Variants in RBMS1 observed in about 807,000 individuals in gnomAD.
RBMS1 encodes the protein RNA binding motif single stranded interacting protein 1, also known as RNA-binding motif, single-stranded-interacting protein 1.
A neutral mutation model predicts 62.3 loss-of-function variants in RBMS1; 17 were observed. The ratio of observed to expected loss-of-function variants is 0.27; its 90% CI spans 0.19 to 0.41. RBMS1 has a LOEUF of 0.41. RBMS1 is among the 10% of genes least tolerant of loss of function. The pLI is 1.00. For synonymous variants in RBMS1, 172 were observed against 170.0 expected (o/e 1.01, Z -0.09); for missense variants, 334 against 504.5 (o/e 0.66, Z 3.24).
intron 2 of RBMS1, among the ~76,000 whole-genome samples, chr2:160,325,003 T>C (rs1451193316): frequency 6.6e-6 from 1 of 151,476 alleles, no homozygotes; most frequent in African/African-American, 2.4e-5. Context: ...ACTCCTACTT[T>C]GTAGATGTGA....
chr2:160,368,796 T>C (rs1237043273), intron 1 of RBMS1, among the ~76,000 whole-genome samples: 1 of 152,108 alleles, frequency 6.6e-6, no homozygotes, highest in Non-Finnish European at 1.5e-5. Context: ...CACAACACCA[T>C]GCCTGGCTAA....
At chr2:160,318,321 A>G in intron 2 of RBMS1, 94 bp from the exon 3 acceptor site, 1 of 1,412,840 alleles carries the variant, frequency 7.1e-7, no homozygotes, top group South Asian at 1.5e-5. Context: ...CAAAGAACAC[A>G]CATTCTTTTC....
chr2:160,279,225 T>C (rs1484733130), intron 10 of RBMS1: 1 of 152,210 alleles, frequency 6.6e-6, no homozygotes. Context: ...TTCTCAGAAC[T>C]TTAAGTTACA....
At chr2:160,435,626 T>G (rs1192631642) in intron 1 of RBMS1, among the ~76,000 whole-genome samples, 10 of 152,186 alleles carry the variant, frequency 6.6e-5, no homozygotes, top group Admixed American at 6.5e-4. Context: ...CAGCCTTACT[T>G]TTTTCTGTCA....
chr2:160,423,162 C>G (rs1358156671), intron 1 of RBMS1, among the ~76,000 whole-genome samples: 2 of 152,132 alleles, frequency 1.3e-5, no homozygotes, highest in South Asian at 2.1e-4. Flanking sequence ...TTGACTTTCC[C>G]CAGCCCAACT....
intron 2 of RBMS1, among the ~76,000 whole-genome samples, chr2:160,346,363 G>A (rs148358224): frequency 2.1e-4 from 32 of 152,268 alleles, no homozygotes; most frequent in African/African-American, 7.7e-4. Context: ...GGCAGCCTGG[G>A]CATTCTTTCA....
At chr2:160,409,808 T>C (rs1003167058) in intron 1 of RBMS1, among the ~76,000 whole-genome samples, 1 of 152,188 alleles carries the variant, frequency 6.6e-6, no homozygotes, top group Non-Finnish European at 1.5e-5. Flanking sequence ...AAAATTTGAT[T>C]GGATACACTC....
At chr2:160,475,590 C>T (rs1158063242) in intron 1 of RBMS1, among the ~76,000 whole-genome samples, 2 of 152,180 alleles carry the variant, frequency 1.3e-5, no homozygotes, top group African/African-American at 4.8e-5. Flanking sequence ...TTCCCTAAGA[C>T]CTGCCAACAC....
chr2:160,275,596 G>A (rs1246788803), intron 13 of RBMS1, 34 bp downstream of exon 13: 1 of 1,604,678 alleles, frequency 6.2e-7, no homozygotes, highest in African/African-American at 1.3e-5. Context: ...TGCTTGATTT[G>A]AGCCCCCCAG....
At chr2:160,320,533 G>A (rs866871132) in intron 2 of RBMS1, among the ~76,000 whole-genome samples, 1 of 152,152 alleles carries the variant, frequency 6.6e-6, no homozygotes, top group African/African-American at 2.4e-5. Flanking sequence ...TCTGGGTTGT[G>A]GGGGTGGATC....
At chr2:160,353,052 T>C (rs949053925) in intron 2 of RBMS1, among the ~76,000 whole-genome samples, 1 of 152,136 alleles carries the variant, frequency 6.6e-6, no homozygotes, top group African/African-American at 2.4e-5. Flanking sequence ...ATTTTCCAAA[T>C]GTCATACAAC....
intron 2 of RBMS1, among the ~76,000 whole-genome samples, chr2:160,354,105 T>C (rs550475504): frequency 9.2e-5 from 14 of 152,248 alleles, no homozygotes; most frequent in African/African-American, 3.4e-4. Context: ...CCTGAATCTA[T>C]AGAAGGACCT....
intron 6 of RBMS1, among the ~76,000 whole-genome samples, chr2:160,287,837 G>A (rs1232497220): frequency 1.3e-5 from 2 of 151,820 alleles, no homozygotes; most frequent in Admixed American, 6.6e-5. Flanking sequence ...AGGTTTTTCT[G>A]TGCCTTTAAT....
intron 1 of RBMS1, among the ~76,000 whole-genome samples, chr2:160,466,402 A>G (rs1684692591): frequency 6.6e-6 from 1 of 152,198 alleles, no homozygotes. Flanking sequence ...TAAAGAGGAA[A>G]AAACCCTCTA....
chr2:160,479,564 G>C (rs923602991), intron 1 of RBMS1, among the ~76,000 whole-genome samples: 2 of 152,120 alleles, frequency 1.3e-5, no homozygotes, highest in Non-Finnish European at 2.9e-5. Flanking sequence ...GCTCCTGTGT[G>C]GTCTCTCTTC....
chr2:160,462,052 T>C (rs1356316838), intron 1 of RBMS1, among the ~76,000 whole-genome samples: 1 of 150,838 alleles, frequency 6.6e-6, no homozygotes, highest in Non-Finnish European at 1.5e-5. Context: ...ACAAGAGTTA[T>C]TACTATTGTT....
intron 1 of RBMS1, among the ~76,000 whole-genome samples, chr2:160,451,495 C>T (rs985908290): frequency 6.6e-6 from 1 of 152,128 alleles, no homozygotes; most frequent in Non-Finnish European, 1.5e-5. Context: ...AATAATTTAT[C>T]ATTTTGGTAG....
chr2:160,296,901 G>A (rs1257093637), intron 6 of RBMS1, among the ~76,000 whole-genome samples: 1 of 152,162 alleles, frequency 6.6e-6, no homozygotes, highest in Non-Finnish European at 1.5e-5. Context: ...GAGCACCAGT[G>A]TCTGCTCTCC....
intron 1 of RBMS1, among the ~76,000 whole-genome samples, chr2:160,373,487 C>A (rs972925340): frequency 1.3e-5 from 2 of 152,010 alleles, no homozygotes; most frequent in Non-Finnish European, 2.9e-5. Flanking sequence ...GCTTATCAGC[C>A]CAATTGTTCT....
Sources: gnomAD v4.1 joint callset for allele counts (sites outside exome capture counted in the v4.1 genomes callset) on GRCh38, gnomAD v4.1.1 for gene constraint, MANE v1.5 for transcripts, NCBI Gene and HGNC (gene_info 2026-07-23, HGNC 2026-07-21) for gene names.